LAMA1: variants seen among roughly 807,000 people sequenced by gnomAD.
The protein encoded by LAMA1 is laminin subunit alpha-1.
In LAMA1, 219 loss-of-function variants were observed where a neutral mutation model predicts 348.7. That is an observed-to-expected ratio of 0.63 (90% CI 0.56 to 0.70). The LOEUF is 0.70. Ranked by LOEUF, LAMA1 falls within the 30% of genes least tolerant of loss-of-function variation. The pLI, the probability that LAMA1 is intolerant of heterozygous loss-of-function variation, is 0.00. For missense variants in LAMA1, 3,744 were observed against 3,888.0 expected (o/e 0.96, Z 0.99); for synonymous variants, 1,487 against 1,491.0 (o/e 1.00, Z 0.06).
chr18:6,943,769 G>A (rs1049640587), intron 61 of LAMA1, among the ~76,000 whole-genome samples: 3 of 147,840 alleles, frequency 2.0e-5, no homozygotes, highest in African/African-American at 7.4e-5. Flanking sequence ...CTTAAACCTA[G>A]GAGGCAGAGG....
intron 3 of LAMA1, among the ~76,000 whole-genome samples, chr18:7,064,469 C>A (rs2058114668): frequency 6.6e-6 from 1 of 152,128 alleles, no homozygotes; most frequent in African/African-American, 2.4e-5. Context: ...TTCTCATGAC[C>A]TGATTTCGGT....
intron 62 of LAMA1, among the ~76,000 whole-genome samples, 182 bp downstream of exon 62, chr18:6,942,998 A>G (rs530612): frequency 0.86 from 130,804 of 152,204 alleles, 56,371 homozygotes; most frequent in Non-Finnish European, 0.88. Context: ...TAACTTGTGT[A>G]TGTAGATTAT....
chr18:7,078,943 C>T (rs761176645), intron 3 of LAMA1, among the ~76,000 whole-genome samples: 11 of 152,054 alleles, frequency 7.2e-5, no homozygotes, highest in Non-Finnish European at 1.3e-4. Context: ...GCCGAGATCG[C>T]GCCACTGCAC....
At chr18:7,044,131 C>T (rs549573813) in intron 7 of LAMA1, among the ~76,000 whole-genome samples, 37 of 142,210 alleles carry the variant, frequency 2.6e-4, no homozygotes, top group African/African-American at 9.5e-4. Context: ...CCACTGCACT[C>T]CAGCGTAGGT....
intron 21 of LAMA1, 35 bp from the exon 22 acceptor site, chr18:7,015,893 G>A (rs2057885505): frequency 3.1e-6 from 5 of 1,613,446 alleles, no homozygotes; most frequent in South Asian, 2.2e-5. Flanking sequence ...TACAGATCTG[G>A]GTGATGTCAT....
intron 1 of LAMA1, among the ~76,000 whole-genome samples, chr18:7,102,384 G>C (rs1352116101): frequency 6.6e-6 from 1 of 150,834 alleles, no homozygotes; most frequent in Non-Finnish European, 1.5e-5. Flanking sequence ...CTCACTTAAA[G>C]AAAGCCCTTT....
intron 42 of LAMA1, among the ~76,000 whole-genome samples, chr18:6,978,598 T>C (rs2057694298): frequency 6.6e-6 from 1 of 152,228 alleles, no homozygotes; most frequent in Non-Finnish European, 1.5e-5. Context: ...CTGCATATCA[T>C]ATGCTCTACT....
At position 7,032,872 on chromosome 18, in the gene LAMA1, C is replaced by T. The variant is rs1443815202; in HGVS notation, c.2163+112G>A. 4 of 798,144 alleles carry T rather than the reference C, an allele frequency of 5.0e-6. No individual in the cohort carries two copies. The African/African-American group carries it at 5.1e-5, about 10-fold the overall frequency. 49.4% of individuals were successfully genotyped at this position (798,144 alleles called of 1,614,324 possible). On this transcript the variant is annotated intron_variant, in intron 15 of 62. Coordinates refer to ENST00000389658, the MANE Select transcript of LAMA1 (RefSeq NM_005559.4). ...ATTGCCCAAAAAAGACTGAGCCAAA[C>T]ATTGGGCTGCTAAAGCTAAAAATCA... is the stretch of plus-strand genomic sequence containing the variant.
At chr18:7,041,841 C>T (rs1269144734) in intron 9 of LAMA1, among the ~76,000 whole-genome samples, 1 of 152,204 alleles carries the variant, frequency 6.6e-6, no homozygotes, top group Non-Finnish European at 1.5e-5. Flanking sequence ...CCCCATCTCC[C>T]TCCATTCATG....
chr18:7,078,081 C>T (rs868124572), intron 3 of LAMA1, among the ~76,000 whole-genome samples: 1 of 142,670 alleles, frequency 7.0e-6, no homozygotes. Context: ...AAAAAAAAAA[C>T]AAAAAACAAA....
In LAMA1 at chr18:6,993,749, T is replaced by C. The variant is rs1334323842; in HGVS notation, c.4900A>G (p.Thr1634Ala). 1 of 1,583,314 alleles carries C rather than the reference T, an allele frequency of 6.3e-7. No homozygotes were observed. The highest frequency in any genetic ancestry group is 1.7e-5 in the Admixed American group (1 of 59,986). ...EETDNLQKKL[T>A]RMLASTQKVN... ...TTTTGGGTACTCGCTAACATCCTAG[T>C]GAGCTGGTGGAAAAATAAAGTCTCA... Residue 1634 changes from threonine (T) to alanine (A), a missense_variant, in exon 35 of 63, where the codon ACT (threonine) becomes GCT (alanine). Physicochemically the swap from Thr to Ala is moderately conservative, Grantham distance 58. Around this residue, in one of 3 missense-constraint regions of LAMA1, gnomAD observed 1,983 missense variants for 1,934.3 expected, o/e 1.03. Coordinates refer to ENST00000389658, the MANE Select transcript of LAMA1 (RefSeq NM_005559.4).
At chr18:7,063,151 G>A (rs2058109267) in intron 3 of LAMA1, among the ~76,000 whole-genome samples, 1 of 152,228 alleles carries the variant, frequency 6.6e-6, no homozygotes, top group East Asian at 1.9e-4. Context: ...CTGAATCGTT[G>A]ATAGTTTTAG....
At chr18:6,950,210 A>T (rs1711568441) in intron 58 of LAMA1, among the ~76,000 whole-genome samples, 1 of 152,164 alleles carries the variant, frequency 6.6e-6, no homozygotes, top group African/African-American at 2.4e-5. Flanking sequence ...GCCATTCCTT[A>T]TCCCCCGGCT....
intron 45 of LAMA1, among the ~76,000 whole-genome samples, chr18:6,975,577 T>C (rs569372745): frequency 3.3e-5 from 5 of 152,220 alleles, no homozygotes; most frequent in African/African-American, 1.2e-4. Context: ...AGACCTTTCA[T>C]AGGCACTTGC....
chr18:6,980,166 C>T (rs181755499), intron 42 of LAMA1, among the ~76,000 whole-genome samples: 18 of 152,296 alleles, frequency 1.2e-4, no homozygotes, highest in Admixed American at 1.2e-3. Context: ...GCATTTTCCC[C>T]TTAGGCAGGT....
At chr18:6,955,031 A>G (rs2057568740) in intron 57 of LAMA1, 1 of 388,402 alleles carries the variant, frequency 2.6e-6, no homozygotes, top group South Asian at 2.2e-5. Context: ...CTTAAAGTGG[A>G]ATGGGGTTGA....
intron 1 of LAMA1, among the ~76,000 whole-genome samples, chr18:7,102,351 G>A (rs575952022): frequency 5.9e-5 from 9 of 151,964 alleles, no homozygotes; most frequent in African/African-American, 1.9e-4. Context: ...AGCCCAGAAC[G>A]CCTGGAGGAG....
intron 34 of LAMA1, 56 bp from the exon 35 acceptor site, chr18:6,993,808 T>A: frequency 1.0e-6 from 1 of 956,024 alleles, no homozygotes. Context: ...AGTTTGACTT[T>A]AAATAATACG....
At chr18:7,099,259 C>A (rs1252519805) in intron 1 of LAMA1, among the ~76,000 whole-genome samples, 2 of 150,412 alleles carry the variant, frequency 1.3e-5, no homozygotes, top group Non-Finnish European at 3.0e-5. Context: ...TAAACAGATG[C>A]TTGAAGGCAG....
Sources: allele counts gnomAD v4.1 joint callset (sites outside exome capture counted in the v4.1 genomes callset), GRCh38; gene constraint gnomAD v4.1.1; regional missense constraint gnomAD v4.1.1; transcripts MANE v1.5; gene names NCBI Gene and HGNC (gene_info 2026-07-23, HGNC 2026-07-21).